Variants in IGSF11 observed in about 807,000 individuals in gnomAD.
IGSF11 encodes CXADR like 1.
A neutral mutation model predicts 41.0 loss-of-function variants in IGSF11; 22 were observed. The ratio of observed to expected loss-of-function variants is 0.54; its 90% CI spans 0.38 to 0.77. The LOEUF is 0.77. Ranked by LOEUF, IGSF11 falls within the 30% of genes least tolerant of loss-of-function variation. IGSF11 has a pLI of 0.00. For synonymous variants in IGSF11, 219 were observed against 201.3 expected, an observed-to-expected ratio of 1.09 and a Z score of -0.74; for missense variants, 444 against 530.8, an observed-to-expected ratio of 0.84 and a Z score of 1.61.
chr3:119,083,442 C>T (rs1426196450), intron 1 of IGSF11, among the ~76,000 whole-genome samples: 1 of 151,896 alleles, frequency 6.6e-6, no homozygotes, highest in African/African-American at 2.4e-5. Context: ...ACCTCCTTTC[C>T]TATCCCTCCT....
At chr3:118,965,725 G>C (rs377349490) in intron 1 of IGSF11, among the ~76,000 whole-genome samples, 2 of 152,012 alleles carry the variant, frequency 1.3e-5, no homozygotes, top group Non-Finnish European at 2.9e-5. Context: ...CTCTCAGTGC[G>C]AAGCATTAGG....
At chr3:119,114,374 G>C (rs939155453) in intron 1 of IGSF11, among the ~76,000 whole-genome samples, 1 of 152,110 alleles carries the variant, frequency 6.6e-6, no homozygotes, top group African/African-American at 2.4e-5. Context: ...ATAAGCCTAG[G>C]CTGCTAGAAG....
At chr3:118,912,241 T>A (rs1046096481) in intron 4 of IGSF11, among the ~76,000 whole-genome samples, 1 of 152,232 alleles carries the variant, frequency 6.6e-6, no homozygotes, top group Non-Finnish European at 1.5e-5. Flanking sequence ...GTGTTTTTTT[T>A]CTAATTATCC....
At chr3:118,903,583 T>C (rs1463761580) in intron 6 of IGSF11, among the ~76,000 whole-genome samples, 1 of 152,136 alleles carries the variant, frequency 6.6e-6, no homozygotes, top group Non-Finnish European at 1.5e-5. Flanking sequence ...TCCTCAGTAA[T>C]CTTATCCTGG....
chr3:119,011,945 C>CTG (rs1553711932), intron 1 of IGSF11, among the ~76,000 whole-genome samples: 10,339 of 148,544 alleles, frequency 0.07, 466 homozygotes, highest in Admixed American at 0.17. Context: ...ATATAGTGTT[C>CTG]TGTGTGTGTG....
intron 1 of IGSF11, among the ~76,000 whole-genome samples, chr3:119,054,320 T>G (rs1424644928): frequency 6.6e-6 from 1 of 151,942 alleles, no homozygotes; most frequent in Non-Finnish European, 1.5e-5. Context: ...CTACAAGGAA[T>G]TCAAACAAAT....
chr3:119,070,178 AT>A (rs2076373987), intron 1 of IGSF11, among the ~76,000 whole-genome samples: 1 of 152,198 alleles, frequency 6.6e-6, no homozygotes. Context: ...ACAGTAGATT[AT>A]GTAATTTTTA....
intron 1 of IGSF11, among the ~76,000 whole-genome samples, chr3:119,047,808 C>T (rs1183235688): frequency 1.3e-5 from 2 of 152,086 alleles, no homozygotes; most frequent in African/African-American, 4.8e-5. Flanking sequence ...TCTCAGACCA[C>T]AGTGCAATCA....
chr3:118,997,453 T>C (rs754543983), intron 1 of IGSF11, among the ~76,000 whole-genome samples: 3 of 152,150 alleles, frequency 2.0e-5, no homozygotes, highest in Non-Finnish European at 4.4e-5. Context: ...GGTGGAATCT[T>C]TACAGAAGCC....
At chr3:119,045,500 C>G (rs888351934) in intron 1 of IGSF11, among the ~76,000 whole-genome samples, 4 of 152,164 alleles carry the variant, frequency 2.6e-5, no homozygotes, top group African/African-American at 4.8e-5. Context: ...TCCTACTCCA[C>G]GGAGTCTCGC....
Position 119,034,530 on chromosome 3 carries a change from C to T in IGSF11, c.52+1G>A. 6.3e-7 allele frequency: 1 copy of T among 1,583,164 alleles called. No individual in the cohort carries two copies. The highest frequency in any genetic ancestry group is 8.6e-7 in the Non-Finnish European group (1 of 1,165,524). On this transcript the variant is annotated splice_donor_variant, in intron 1 of 6. Coordinates refer to ENST00000393775, the MANE Select transcript of IGSF11 (RefSeq NM_001015887.3). LOFTEE classifies it high-confidence loss of function. ...GGGAAGAAAGGGCTGGAGCTACTCA[C>T]CGTGCAGAGAGAGGAGCAGCAAAGG...
intron 4 of IGSF11, among the ~76,000 whole-genome samples, chr3:118,913,693 A>T (rs2107492995): frequency 6.6e-6 from 1 of 152,348 alleles, no homozygotes; most frequent in Admixed American, 6.5e-5. Flanking sequence ...CACAGAAAAA[A>T]TGACTGTGAT....
chr3:119,071,073 CA>C (rs1469768487), intron 1 of IGSF11, among the ~76,000 whole-genome samples: 7 of 152,240 alleles, frequency 4.6e-5, no homozygotes, highest in Non-Finnish European at 8.8e-5. Flanking sequence ...GAGGCTTACA[CA>C]AGAGTGAAAG....
chr3:118,965,581 T>C (rs961231636), intron 1 of IGSF11, among the ~76,000 whole-genome samples: 2 of 152,018 alleles, frequency 1.3e-5, no homozygotes, highest in Non-Finnish European at 2.9e-5. Context: ...AGTTCCAAAT[T>C]ATCATAGATC....
At chr3:118,952,708 A>G (rs771475279) in intron 1 of IGSF11, among the ~76,000 whole-genome samples, 15 of 152,096 alleles carry the variant, frequency 9.9e-5, no homozygotes, top group Non-Finnish European at 1.8e-4. Context: ...TTTTTCAGAA[A>G]ACTTGTAGAT....
intron 1 of IGSF11, among the ~76,000 whole-genome samples, chr3:119,088,906 A>T (rs2076719553): frequency 2.0e-5 from 3 of 152,174 alleles, no homozygotes; most frequent in Non-Finnish European, 2.9e-5. Context: ...AGAGACTGAA[A>T]CCATGAATAG....
chr3:119,089,619 G>A (rs564626829), intron 1 of IGSF11, among the ~76,000 whole-genome samples: 5 of 152,276 alleles, frequency 3.3e-5, no homozygotes, highest in African/African-American at 1.2e-4. Context: ...CATCAAAAGA[G>A]GAGACAAAGT....
At chr3:119,064,993 C>T (rs534066641) in intron 1 of IGSF11, among the ~76,000 whole-genome samples, 2 of 152,162 alleles carry the variant, frequency 1.3e-5, no homozygotes, top group Admixed American at 6.5e-5. Context: ...AATCTTTATT[C>T]ACTTATTTTT....
At chr3:118,952,109 A>G (rs1944615176) in intron 1 of IGSF11, among the ~76,000 whole-genome samples, 2 of 152,200 alleles carry the variant, frequency 1.3e-5, no homozygotes, top group African/African-American at 4.8e-5. Flanking sequence ...AGTATGCAGT[A>G]GCATTATATA....
Sources: gnomAD v4.1 joint callset for allele counts (sites outside exome capture counted in the v4.1 genomes callset) on GRCh38, gnomAD v4.1.1 for gene constraint, MANE v1.5 for transcripts, NCBI Gene and HGNC (gene_info 2026-07-23, HGNC 2026-07-21) for gene names.